The following KCNH1 variants were observed in gnomAD, a reference collection of about 807,000 sequenced individuals.
The protein encoded by KCNH1 is voltage-gated delayed rectifier potassium channel KCNH1.
KCNH1 carries 27 observed loss-of-function variants against 69.2 expected under a neutral mutation model. The observed-to-expected ratio is 0.39, with a 90% confidence interval of 0.29 to 0.54. The LOEUF (loss-of-function observed/expected upper bound fraction) is 0.54. Among genes scored for constraint, KCNH1 ranks in the 20% least tolerant of loss-of-function variants. The pLI is 0.68. For missense variants in KCNH1, 798 were observed against 1,261.6 expected, an observed-to-expected ratio of 0.63 and a Z score of 5.57; for synonymous variants, 456 against 487.7, an observed-to-expected ratio of 0.93 and a Z score of 0.86.
intron 6 of KCNH1, among the ~76,000 whole-genome samples, chr1:210,962,457 G>T (rs760547371): frequency 6.6e-6 from 1 of 151,930 alleles, no homozygotes; most frequent in African/African-American, 2.4e-5. Flanking sequence ...CTTAAATAAT[G>T]TTATTTAGTT....
chr1:211,101,980 A>C lies in KCNH1; in HGVS notation c.310+1516T>G, dbSNP rs566857200. 2.6e-5 allele frequency among the ~76,000 whole-genome samples: 4 copies of C among 152,332 alleles called. No homozygotes were observed. The South Asian group carries it at 8.3e-4, about 32-fold the overall frequency. On this transcript the variant is annotated intron_variant, in intron 3 of 10. Transcript: ENST00000271751. ...TTTGGAGACTCTCAATAAGCCTACC[A>C]CAACCTTCAGGGAGGGAAGAAATGC...
rs893814029 is a variant in KCNH1 at position 210,720,229 on chromosome 1, TACAGAG to T, written c.2113-36097_2113-36092del. The stretch of plus-strand genomic sequence containing the variant: ...CAAATTAATATGATCATCCAGAACT[TACAGAG>T]ACAAAGAGAAAACAGGTGTGTAGAA... On this transcript the variant is annotated intron_variant, in intron 10 of 10. Transcript: ENST00000271751. Among the ~76,000 whole-genome samples the T allele has an allele frequency of 4.6e-5, 7 of 152,246 alleles. No homozygotes were observed. The South Asian group carries it at 1.0e-3, about 23-fold the overall frequency.
At chr1:210,878,190 A>G (rs1348331401) in intron 7 of KCNH1, among the ~76,000 whole-genome samples, 2 of 152,136 alleles carry the variant, frequency 1.3e-5, no homozygotes, top group Non-Finnish European at 2.9e-5. Context: ...TGAATCTACT[A>G]TTACTGTTAG....
chr1:210,981,113 C>T (rs1688701592), intron 6 of KCNH1, among the ~76,000 whole-genome samples: 1 of 152,060 alleles, frequency 6.6e-6, no homozygotes, highest in South Asian at 2.1e-4. Flanking sequence ...GGATAACATG[C>T]ACTAAAGTCA....
chr1:210,823,634 C>T (rs1164570113), intron 7 of KCNH1, among the ~76,000 whole-genome samples: 1 of 152,150 alleles, frequency 6.6e-6, no homozygotes, highest in Non-Finnish European at 1.5e-5. Context: ...AGCACTATGC[C>T]AAGTATTTTA....
chr1:210,798,198 C>T (rs1229953205), intron 8 of KCNH1, among the ~76,000 whole-genome samples: 2 of 151,376 alleles, frequency 1.3e-5, no homozygotes, highest in African/African-American at 2.4e-5. Context: ...CACCACCACA[C>T]CCAGCTAATT....
At chr1:210,746,714 T>A (rs544784193) in intron 10 of KCNH1, among the ~76,000 whole-genome samples, 3 of 152,250 alleles carry the variant, frequency 2.0e-5, no homozygotes, top group Admixed American at 6.5e-5. Flanking sequence ...GCCTGGCTAA[T>A]TTTTGTATTT....
intron 6 of KCNH1, 55 bp from the exon 7 acceptor site, chr1:210,920,124 T>G: frequency 6.6e-7 from 1 of 1,506,148 alleles, no homozygotes; most frequent in Non-Finnish European, 9.1e-7. Flanking sequence ...ACTACTCTCG[T>G]CCCCTCCGCC....
At chr1:211,047,060 G>A (rs190197935) in intron 5 of KCNH1, among the ~76,000 whole-genome samples, 15 of 152,252 alleles carry the variant, frequency 9.9e-5, no homozygotes, top group Non-Finnish European at 1.6e-4. Flanking sequence ...TAATCAATAT[G>A]TAAAATCACT....
chr1:210,722,374 A>T (rs1458980101), intron 10 of KCNH1, among the ~76,000 whole-genome samples: 4 of 152,108 alleles, frequency 2.6e-5, no homozygotes, highest in African/African-American at 9.7e-5. Context: ...TCCCTCCATT[A>T]TTTGGCCACC....
intron 7 of KCNH1, among the ~76,000 whole-genome samples, chr1:210,847,481 CA>C (rs1685582598): frequency 6.7e-6 from 1 of 150,106 alleles, no homozygotes; most frequent in Admixed American, 6.7e-5. Context: ...ATCACAAGGA[CA>C]AAAAACCAAA....
At chr1:211,077,189 G>A (rs1242448845) in intron 5 of KCNH1, among the ~76,000 whole-genome samples, 1 of 152,134 alleles carries the variant, frequency 6.6e-6, no homozygotes, top group Non-Finnish European at 1.5e-5. Flanking sequence ...ACACTCTGCA[G>A]GATATTATCC....
chr1:210,847,833 T>A (rs1685594622), intron 7 of KCNH1, among the ~76,000 whole-genome samples: 1 of 151,844 alleles, frequency 6.6e-6, no homozygotes, highest in African/African-American at 2.4e-5. Context: ...AAAAAAGAAA[T>A]TTTTTAGCAT....
intron 1 of KCNH1, among the ~76,000 whole-genome samples, chr1:211,129,627 C>T (rs542467700): frequency 6.6e-6 from 1 of 152,316 alleles, no homozygotes; most frequent in African/African-American, 2.4e-5. Context: ...ACAAGCTCTG[C>T]TGAGCTGGTA....
chr1:210,869,158 T>A (rs1226216316), intron 7 of KCNH1, among the ~76,000 whole-genome samples: 1 of 152,096 alleles, frequency 6.6e-6, no homozygotes, highest in Non-Finnish European at 1.5e-5. Flanking sequence ...TGTTCCTCTG[T>A]ATGTAATTTT....
At chr1:210,936,604 C>A (rs1044902369) in intron 6 of KCNH1, among the ~76,000 whole-genome samples, 1 of 152,204 alleles carries the variant, frequency 6.6e-6, no homozygotes, top group Non-Finnish European at 1.5e-5. Flanking sequence ...TACAAATATG[C>A]CAGAAATTAG....
chr1:210,703,377 AC>A (rs1681829211), intron 10 of KCNH1, among the ~76,000 whole-genome samples: 1 of 152,168 alleles, frequency 6.6e-6, no homozygotes, highest in Non-Finnish European at 1.5e-5. Flanking sequence ...CAGAAGTCTC[AC>A]CCCACACTTT....
At chr1:210,883,981 G>A (rs1335035650) in intron 7 of KCNH1, among the ~76,000 whole-genome samples, 1 of 152,208 alleles carries the variant, frequency 6.6e-6, no homozygotes, top group African/African-American at 2.4e-5. Flanking sequence ...TCTGGACAAT[G>A]ATTCATCAGC....
intron 8 of KCNH1, among the ~76,000 whole-genome samples, chr1:210,800,936 A>G (rs2102403676): frequency 6.6e-6 from 1 of 152,286 alleles, no homozygotes; most frequent in Non-Finnish European, 1.5e-5. Flanking sequence ...AGCAATACTT[A>G]GCTCCTCTCC....
Sources: allele counts gnomAD v4.1 joint callset (sites outside exome capture counted in the v4.1 genomes callset), GRCh38; gene constraint gnomAD v4.1.1; transcripts MANE v1.5; gene names NCBI Gene and HGNC (gene_info 2026-07-23, HGNC 2026-07-21).